Variants in KCND2 observed in about 807,000 individuals in gnomAD.
KCND2 encodes the protein A-type voltage-gated potassium channel KCND2.
In KCND2, 16 loss-of-function variants were observed where a neutral mutation model predicts 54.4. The ratio of observed to expected loss-of-function variants is 0.29; its 90% CI spans 0.20 to 0.45. KCND2 has a LOEUF of 0.45. KCND2 is among the 20% of genes least tolerant of loss of function. The pLI is 1.00. For synonymous variants in KCND2, 317 were observed against 310.7 expected (o/e 1.02, Z -0.21); for missense variants, 486 against 824.2 (o/e 0.59, Z 5.02).
intron 1 of KCND2, among the ~76,000 whole-genome samples, chr7:120,548,332 A>G (rs1275227606): frequency 6.6e-6 from 1 of 152,122 alleles, no homozygotes; most frequent in Non-Finnish European, 1.5e-5. Flanking sequence ...TGGTGAACCA[A>G]TCAAAACCAC....
At chr7:120,681,307 A>G (rs1487773199) in intron 1 of KCND2, among the ~76,000 whole-genome samples, 2 of 152,050 alleles carry the variant, frequency 1.3e-5, no homozygotes, top group African/African-American at 4.8e-5. Flanking sequence ...TAGGGATGGC[A>G]TAAATGGATT....
At chr7:120,337,021 T>C (rs1223758438) in intron 1 of KCND2, among the ~76,000 whole-genome samples, 2 of 152,174 alleles carry the variant, frequency 1.3e-5, no homozygotes, top group African/African-American at 2.4e-5. Flanking sequence ...GCTTTTTTTT[T>C]CTTGGAAAAT....
chr7:120,295,395 C>T (rs1032885848), intron 1 of KCND2, among the ~76,000 whole-genome samples: 4 of 145,766 alleles, frequency 2.7e-5, no homozygotes, highest in Middle Eastern at 3.5e-3. Context: ...CACACACAGA[C>T]ACACACACAC....
chr7:120,329,289 T>C (rs1800028563), intron 1 of KCND2, among the ~76,000 whole-genome samples: 1 of 151,752 alleles, frequency 6.6e-6, no homozygotes, highest in African/African-American at 2.4e-5. Context: ...GCCCAGCTAA[T>C]TTTTTGTATT....
At chr7:120,677,558 T>TATATATAG (rs1792081446) in intron 1 of KCND2, among the ~76,000 whole-genome samples, 1 of 143,874 alleles carries the variant, frequency 7.0e-6, no homozygotes, top group South Asian at 2.1e-4. Flanking sequence ...GATATATAGA[T>TATATATAG]ATATAGATAT....
At chr7:120,316,326 G>A (rs907204978) in intron 1 of KCND2, among the ~76,000 whole-genome samples, 4 of 152,176 alleles carry the variant, frequency 2.6e-5, no homozygotes, top group Admixed American at 1.3e-4. Flanking sequence ...CTAGCTATGT[G>A]ATGCAGAGGC....
chr7:120,620,076 C>T (rs1299247618), intron 1 of KCND2, among the ~76,000 whole-genome samples: 1 of 152,076 alleles, frequency 6.6e-6, no homozygotes. Flanking sequence ...TATAATACCT[C>T]AAATGATGAG....
At chr7:120,687,841 G>A (rs1002170254) in intron 1 of KCND2, among the ~76,000 whole-genome samples, 7 of 152,114 alleles carry the variant, frequency 4.6e-5, no homozygotes, top group Non-Finnish European at 1.0e-4. Context: ...TAATGAAATA[G>A]GGATTGAGAT....
intron 1 of KCND2, among the ~76,000 whole-genome samples, chr7:120,681,151 G>A (rs1173949765): frequency 6.6e-6 from 1 of 152,052 alleles, no homozygotes; most frequent in African/African-American, 2.4e-5. Context: ...GCTGGGATGC[G>A]TAGTCCCTAA....
In KCND2 at chr7:120,717,836, A is replaced by G. The variant is rs185727372; in HGVS notation, c.1116-15067A>G. On this transcript the variant is annotated intron_variant, in intron 1 of 5. Coordinates refer to ENST00000331113, the MANE Select transcript of KCND2 (RefSeq NM_012281.3). ...CCCAAGGAATCCTACCATCATTTCT[A>G]TTATTGCAGTTATTACTCTCAAATG... Among the ~76,000 whole-genome samples the G allele has an allele frequency of 1.1e-4, 16 of 152,106 alleles. 1 individual carries two copies. The East Asian group carries it at 3.1e-3, about 29-fold the overall frequency.
At chr7:120,522,550 C>A (rs563148793) in intron 1 of KCND2, among the ~76,000 whole-genome samples, 1 of 152,160 alleles carries the variant, frequency 6.6e-6, no homozygotes, top group African/African-American at 2.4e-5. Flanking sequence ...TGAGCACTCT[C>A]TTGTGCTTTG....
intron 1 of KCND2, among the ~76,000 whole-genome samples, chr7:120,436,311 A>G (rs1041204260): frequency 1.3e-5 from 2 of 152,222 alleles, no homozygotes; most frequent in Non-Finnish European, 2.9e-5. Flanking sequence ...GATAATCCGT[A>G]AATAAAACAA....
At chr7:120,552,035 C>T (rs568752325) in intron 1 of KCND2, among the ~76,000 whole-genome samples, 1 of 152,240 alleles carries the variant, frequency 6.6e-6, no homozygotes, top group African/African-American at 2.4e-5. Flanking sequence ...AATGGGAAAT[C>T]AAATGAATAT....
intron 1 of KCND2, among the ~76,000 whole-genome samples, chr7:120,674,444 G>A (rs571110417): frequency 1.5e-4 from 23 of 150,234 alleles, no homozygotes; most frequent in Admixed American, 4.6e-4. Flanking sequence ...CTGAGGGTCC[G>A]GTATGAATTA....
At position 120,300,565 on chromosome 7, in the gene KCND2, A is replaced by C. The variant is rs538261137; in HGVS notation, c.1115+24818A>C. ...TGAACATGGATATTATTCAGAGGAA[A>C]AAACACTGAGTAGTGAACAGATCTA... On this transcript the variant is annotated intron_variant, in intron 1 of 5. Transcript: ENST00000331113. Among the ~76,000 whole-genome samples the C allele has an allele frequency of 2.6e-5, 4 of 152,300 alleles. No homozygotes were observed. In the East Asian group the frequency reaches 7.7e-4, roughly 29 times the overall value.
chr7:120,286,097 G>A (rs993534089), intron 1 of KCND2, among the ~76,000 whole-genome samples: 1 of 151,636 alleles, frequency 6.6e-6, no homozygotes, highest in African/African-American at 2.4e-5. Flanking sequence ...ACTATATTAA[G>A]CAAAAACTAT....
At chr7:120,323,603 C>T (rs1323146181) in intron 1 of KCND2, among the ~76,000 whole-genome samples, 1 of 149,212 alleles carries the variant, frequency 6.7e-6, no homozygotes, top group African/African-American at 2.5e-5. Flanking sequence ...CCAATTTCAT[C>T]CATGTCCCTA....
In KCND2 at chr7:120,328,443, CT is replaced by C; in HGVS notation, c.1115+52699del. Among the ~76,000 whole-genome samples, 3 of 152,190 alleles carry C rather than the reference CT, an allele frequency of 2.0e-5. No individual in the cohort carries two copies. The South Asian group carries it at 6.2e-4, about 32-fold the overall frequency. ...TCTGGCAGTTACAGAGTTAAAGTAACTTTCCAATGCCATTCAGCTAGTAAAT... is the reference window on the plus strand; with the variant it reads ...TCTGGCAGTTACAGAGTTAAAGTAACTTCCAATGCCATTCAGCTAGTAAAT... On this transcript the variant is annotated intron_variant, in intron 1 of 5. Coordinates refer to ENST00000331113, the MANE Select transcript of KCND2 (RefSeq NM_012281.3).
At chr7:120,592,642 A>G (rs572405411) in intron 1 of KCND2, among the ~76,000 whole-genome samples, 1 of 152,360 alleles carries the variant, frequency 6.6e-6, no homozygotes, top group East Asian at 1.9e-4. Flanking sequence ...TCAAAAAAGC[A>G]CATTCGTCTT....
Sources: gnomAD v4.1 joint callset for allele counts (sites outside exome capture counted in the v4.1 genomes callset) on GRCh38, gnomAD v4.1.1 for gene constraint, MANE v1.5 for transcripts, NCBI Gene and HGNC (gene_info 2026-07-23, HGNC 2026-07-21) for gene names.